KCTD16: variants seen among roughly 807,000 people sequenced by gnomAD.
KCTD16 encodes the protein BTB/POZ domain-containing protein KCTD16.
Under a neutral mutation model 33.2 loss-of-function variants are expected in KCTD16, and 13 were observed. That is an observed-to-expected ratio of 0.39 (90% CI 0.25 to 0.62). The LOEUF (loss-of-function observed/expected upper bound fraction) is 0.62, where lower values mean the gene tolerates loss of function less well. Among genes scored for constraint, KCTD16 ranks in the 20% least tolerant of loss-of-function variants. The pLI is 0.50. For synonymous variants in KCTD16, 197 were observed against 195.3 expected (o/e 1.01, Z -0.07); for missense variants, 441 against 525.1 (o/e 0.84, Z 1.57).
intron 3 of KCTD16, among the ~76,000 whole-genome samples, chr5:144,450,952 A>G (rs1753927517): frequency 6.6e-6 from 1 of 151,100 alleles, no homozygotes; most frequent in East Asian, 2.0e-4. Context: ...CATGTTAAGT[A>G]TTTTTATTGC....
chr5:144,233,621 C>T (rs1754168318), intron 3 of KCTD16, among the ~76,000 whole-genome samples: 2 of 152,070 alleles, frequency 1.3e-5, no homozygotes, highest in South Asian at 4.2e-4. Flanking sequence ...CCATCATAGC[C>T]CTGTCCCCAA....
At chr5:144,305,519 A>G (rs1308655986) in intron 3 of KCTD16, among the ~76,000 whole-genome samples, 1 of 152,192 alleles carries the variant, frequency 6.6e-6, no homozygotes, top group East Asian at 1.9e-4. Flanking sequence ...CCTCATGAGG[A>G]TAAATTAAGG....
intron 3 of KCTD16, among the ~76,000 whole-genome samples, chr5:144,216,181 G>A (rs1038688618): frequency 6.6e-6 from 1 of 152,146 alleles, no homozygotes; most frequent in Non-Finnish European, 1.5e-5. Flanking sequence ...CCCTTTCATG[G>A]TGACAGAAAA....
chr5:144,475,184 G>A lies in KCTD16; in HGVS notation c.*1070G>A, dbSNP rs563874741. 1.3e-5 allele frequency: 2 copies of A among 152,256 alleles called. No homozygotes were observed. Among genetic ancestry groups the A allele is most frequent in the African/African-American group, 4.8e-5 (2 of 41,536 alleles). 9.4% of individuals were successfully genotyped at this position (152,256 alleles called of 1,614,324 possible). A position where few individuals can be genotyped will look rare whatever the true frequency, so the allele number is the denominator to read the frequency against. Reference sequence around the variant, plus strand: ...GACAACACACAGTACTTGAATAAGGGTCCGGCCTTTTGTTTGTTTTAGAGA... The same window carrying A: ...GACAACACACAGTACTTGAATAAGGATCCGGCCTTTTGTTTGTTTTAGAGA... On this transcript the variant is annotated 3_prime_UTR_variant, in exon 4 of 4. Transcript: ENST00000512467.
At chr5:144,415,994 G>A (rs1292829050) in intron 3 of KCTD16, among the ~76,000 whole-genome samples, 2 of 152,142 alleles carry the variant, frequency 1.3e-5, no homozygotes, top group Non-Finnish European at 2.9e-5. Flanking sequence ...ATCTTACAGT[G>A]TAGAATGGGT....
At chr5:144,229,192 G>A (rs1754025992) in intron 3 of KCTD16, among the ~76,000 whole-genome samples, 1 of 152,182 alleles carries the variant, frequency 6.6e-6, no homozygotes, top group Admixed American at 6.5e-5. Context: ...CAAGGCAGAA[G>A]AGCTCAAGGT....
At chr5:144,419,157 CAT>C (rs759646587) in intron 3 of KCTD16, among the ~76,000 whole-genome samples, 1 of 152,118 alleles carries the variant, frequency 6.6e-6, no homozygotes, top group Non-Finnish European at 1.5e-5. Flanking sequence ...CCATTTGACA[CAT>C]ATTTCTTGCT....
intron 3 of KCTD16, among the ~76,000 whole-genome samples, chr5:144,386,320 C>A (rs960179403): frequency 6.6e-5 from 10 of 152,094 alleles, no homozygotes; most frequent in African/African-American, 2.4e-4. Flanking sequence ...TTCCAGGGAA[C>A]CCCAAATACT....
chr5:144,190,334 C>A lies in KCTD16; in HGVS notation c.-327+15862C>A, dbSNP rs1752816486. 3.9e-5 allele frequency among the ~76,000 whole-genome samples: 6 copies of A among 152,282 alleles called. No homozygotes were observed. The South Asian group carries it at 1.0e-3, about 26-fold the overall frequency. ...CTCAAATCCACGTTCTGTACATTTG[C>A]GTAAGATCACTTGGGCTAGCTACTT... On this transcript the variant is annotated intron_variant, in intron 2 of 3. Coordinates refer to ENST00000512467, the MANE Select transcript of KCTD16 (RefSeq NM_020768.4).
intron 3 of KCTD16, among the ~76,000 whole-genome samples, chr5:144,450,743 T>C (rs574077798): frequency 1.3e-5 from 2 of 151,912 alleles, no homozygotes; most frequent in Non-Finnish European, 2.9e-5. Context: ...GTATCTAAAG[T>C]AGTCAAATTC....
Position 144,361,906 on chromosome 5 carries a change from T to TTGTGTGTGTGTGTG in KCTD16, c.833-111725_833-111712dup, listed in dbSNP as rs3996310. Among the ~76,000 whole-genome samples, 5 of 143,992 alleles carry TTGTGTGTGTGTGTG rather than the reference T, an allele frequency of 3.5e-5. No individual in the cohort carries two copies. The East Asian group carries it at 8.2e-4, about 24-fold the overall frequency. 94.5% of individuals were successfully genotyped at this position (143,992 alleles called of 152,430 possible). On this transcript the variant is annotated intron_variant, in intron 3 of 3. Transcript: ENST00000512467. ...TTGTTGTTATGAGGCTGGTGTTATT[T>TTGTGTGTGTGTGTG]TGTGTGTGTGTGTGTGTGTGTGTGT...
Position 144,485,667 on chromosome 5 carries a change from TAATA to T in KCTD16, c.*11557_*11560del. 1 of 152,090 alleles carries T rather than the reference TAATA, an allele frequency of 6.6e-6. No homozygotes were observed. The highest frequency in any genetic ancestry group is 2.1e-4 in the South Asian group (1 of 4,828). 9.4% of individuals were successfully genotyped at this position (152,090 alleles called of 1,614,324 possible). A position where few individuals can be genotyped will look rare whatever the true frequency, so the allele number is the denominator to read the frequency against. On this transcript the variant is annotated 3_prime_UTR_variant, in exon 4 of 4. Transcript: ENST00000512467. ...ATGCATTGTAATTTAGCACAAATCA[TAATA>T]AATCATTTGGTAACATTTAGTTGTT...
chr5:144,305,375 G>A (rs1319391618), intron 3 of KCTD16, among the ~76,000 whole-genome samples: 1 of 152,136 alleles, frequency 6.6e-6, no homozygotes, highest in Non-Finnish European at 1.5e-5. Context: ...TTTGGAGATA[G>A]GATCATCAAA....
intron 3 of KCTD16, among the ~76,000 whole-genome samples, chr5:144,225,595 TGTC>T (rs1561535627): frequency 0.032 from 4,810 of 150,172 alleles, 176 homozygotes; most frequent in Admixed American, 0.13. Flanking sequence ...TGTGTGTGTG[TGTC>T]TTTAAAACTA....
intron 3 of KCTD16, among the ~76,000 whole-genome samples, chr5:144,390,031 A>G (rs1171035360): frequency 6.6e-6 from 1 of 152,190 alleles, no homozygotes; most frequent in African/African-American, 2.4e-5. Flanking sequence ...TCATTACTCA[A>G]TCTCATATTT....
chr5:144,338,682 C>A (rs1336215900), intron 3 of KCTD16, among the ~76,000 whole-genome samples: 3 of 151,996 alleles, frequency 2.0e-5, no homozygotes. Context: ...TGACATGAAC[C>A]TATTTTATGG....
intron 3 of KCTD16, among the ~76,000 whole-genome samples, chr5:144,427,463 C>A (rs1479745068): frequency 6.6e-6 from 1 of 152,006 alleles, no homozygotes; most frequent in Non-Finnish European, 1.5e-5. Context: ...GAGGAGGGAC[C>A]CAAACTCTCC....
chr5:144,336,910 A>T (rs1752506938), intron 3 of KCTD16, among the ~76,000 whole-genome samples: 1 of 152,070 alleles, frequency 6.6e-6, no homozygotes, highest in Non-Finnish European at 1.5e-5. Context: ...TCAAAATTAT[A>T]TAAAATCTAA....
At chr5:144,185,183 G>C (rs1752700687) in intron 2 of KCTD16, among the ~76,000 whole-genome samples, 1 of 152,132 alleles carries the variant, frequency 6.6e-6, no homozygotes, top group Non-Finnish European at 1.5e-5. Flanking sequence ...GAGTGAGGAT[G>C]GGTACCTAGG....
Sources: allele counts gnomAD v4.1 joint callset (sites outside exome capture counted in the v4.1 genomes callset), GRCh38; gene constraint gnomAD v4.1.1; transcripts MANE v1.5; gene names NCBI Gene and HGNC (gene_info 2026-07-23, HGNC 2026-07-21).